The following HAPLN1 variants were observed in gnomAD, a reference collection of about 807,000 sequenced individuals.
HAPLN1 encodes the protein hyaluronan and proteoglycan link protein 1, also known as Cartilage link protein.
HAPLN1 carries 13 observed loss-of-function variants against 36.5 expected under a neutral mutation model. That is an observed-to-expected ratio of 0.36 (90% confidence interval 0.23 to 0.57). The LOEUF (loss-of-function observed/expected upper bound fraction) is 0.57, where lower values mean the gene tolerates loss of function less well. Among genes scored for constraint, HAPLN1 ranks in the 20% least tolerant of loss-of-function variants. The pLI is 0.83. For synonymous variants in HAPLN1, 202 were observed against 169.8 expected (o/e 1.19, Z -1.48); for missense variants, 407 against 439.7 (o/e 0.93, Z 0.66).
intron 3 of HAPLN1, among the ~76,000 whole-genome samples, chr5:83,651,249 T>G (rs1396765315): frequency 1.3e-5 from 2 of 152,226 alleles, no homozygotes; most frequent in African/African-American, 4.8e-5. Context: ...CTGGCAGAGC[T>G]GAGGCGAACC....
At chr5:83,648,880 T>C (rs1749964907) in intron 3 of HAPLN1, among the ~76,000 whole-genome samples, 1 of 152,224 alleles carries the variant, frequency 6.6e-6, no homozygotes, top group Non-Finnish European at 1.5e-5. Flanking sequence ...TTCAAACTCT[T>C]ATGCATATAA....
chr5:83,681,711 A>G (rs1323814046), intron 1 of HAPLN1, among the ~76,000 whole-genome samples: 3 of 152,154 alleles, frequency 2.0e-5, no homozygotes, highest in Admixed American at 6.5e-5. Flanking sequence ...AGGTCTCCCT[A>G]TTTGCCCACG....
chr5:83,675,256 A>G (rs1479457696), intron 1 of HAPLN1: 1 of 152,196 alleles, frequency 6.6e-6, no homozygotes, highest in Non-Finnish European at 1.5e-5. Context: ...GATAACTGTA[A>G]ACACAAATAT....
intron 2 of HAPLN1, among the ~76,000 whole-genome samples, chr5:83,655,733 AT>A (rs1750190616): frequency 6.6e-6 from 1 of 152,114 alleles, no homozygotes; most frequent in Non-Finnish European, 1.5e-5. Context: ...AGCTCTGAGC[AT>A]TTTGGAGAAG....
Position 83,640,828 on chromosome 5 carries a change from A to G in HAPLN1, c.*668T>C, listed in dbSNP as rs1749663504. ...TTCATTGGTTAAATATTATCTGCTT[A>G]TTTATGTGTCATGCTTCATATAAAT... On this transcript the variant is annotated 3_prime_UTR_variant, in exon 5 of 5. Coordinates refer to ENST00000274341, the MANE Select transcript of HAPLN1 (RefSeq NM_001884.4). 1 of 151,700 alleles carries G rather than the reference A, an allele frequency of 6.6e-6. No homozygotes were observed. The highest frequency in any genetic ancestry group is 2.4e-5 in the African/African-American group (1 of 41,260). 9.4% of individuals were successfully genotyped at this position (151,700 alleles called of 1,614,324 possible).
At chr5:83,713,373 T>C (rs1251294323) in intron 1 of HAPLN1, among the ~76,000 whole-genome samples, 1 of 152,240 alleles carries the variant, frequency 6.6e-6, no homozygotes, top group Non-Finnish European at 1.5e-5. Context: ...ATTGCTGTTA[T>C]CCAACTGAGT....
intron 2 of HAPLN1, among the ~76,000 whole-genome samples, chr5:83,671,959 G>GAATGGA (rs758172118): frequency 6.6e-6 from 1 of 152,204 alleles, no homozygotes; most frequent in Non-Finnish European, 1.5e-5. Context: ...GAGGAGATGG[G>GAATGGA]AATGGAAAGG....
chr5:83,701,519 A>G (rs1171101363), intron 1 of HAPLN1, among the ~76,000 whole-genome samples: 1 of 152,248 alleles, frequency 6.6e-6, no homozygotes, highest in African/African-American at 2.4e-5. Context: ...TGATCTCTAC[A>G]GTTTCAAATC....
Position 83,663,730 on chromosome 5 carries a change from G to A in HAPLN1, c.100+9694C>T, listed in dbSNP as rs571507713. 2.0e-5 allele frequency among the ~76,000 whole-genome samples: 3 copies of A among 151,462 alleles called. No homozygotes were observed. In the South Asian group the frequency reaches 6.3e-4, roughly 32 times the overall value. ...GTTCATGCCAGACTCTAGCAGCTGA[G>A]CTTGAGGTGTCTGTTTCCCTTAATT... On this transcript the variant is annotated intron_variant, in intron 2 of 4. Transcript: ENST00000274341.
chr5:83,664,824 T>C (rs1750510715), intron 2 of HAPLN1, among the ~76,000 whole-genome samples: 1 of 152,226 alleles, frequency 6.6e-6, no homozygotes, highest in Non-Finnish European at 1.5e-5. Context: ...TTGATTTTAA[T>C]ATATTGTGGG....
At chr5:83,669,372 A>G (rs932523776) in intron 2 of HAPLN1, among the ~76,000 whole-genome samples, 5 of 152,074 alleles carry the variant, frequency 3.3e-5, no homozygotes, top group South Asian at 2.1e-4. Flanking sequence ...TGTGGCAGGC[A>G]CCTGTAATCC....
chr5:83,645,475 C>CTTTCTTTTTTTT (rs1428903218), intron 3 of HAPLN1, among the ~76,000 whole-genome samples: 1 of 74,372 alleles, frequency 1.3e-5, no homozygotes, highest in Non-Finnish European at 2.5e-5. Flanking sequence ...CTTTTTCTTT[C>CTTTCTTTTTTTT]TTTTTTTTTT....
chr5:83,641,455 G>C lies in HAPLN1; in HGVS notation c.*41C>G, dbSNP rs770602266. The C allele has an allele frequency of 2.0e-6, 3 of 1,513,104 alleles. No homozygotes were observed. Among genetic ancestry groups the C allele is most frequent in the Non-Finnish European group, 1.8e-6 (2 of 1,127,928 alleles). 93.7% of individuals were successfully genotyped at this position (1,513,104 alleles called of 1,614,324 possible). A position where few individuals can be genotyped will look rare whatever the true frequency, so the allele number is the denominator to read the frequency against. On this transcript the variant is annotated 3_prime_UTR_variant, in exon 5 of 5. Coordinates refer to ENST00000274341, the MANE Select transcript of HAPLN1 (RefSeq NM_001884.4). ...TGGAAAAAAAAAACACCTTTCACAT[G>C]TTCTTAATGACTTTAAAACTGATGC...
intron 2 of HAPLN1, among the ~76,000 whole-genome samples, chr5:83,672,626 TAACTTAG>T (rs1310790510): frequency 1.3e-5 from 2 of 152,238 alleles, no homozygotes; most frequent in Admixed American, 6.5e-5. Context: ...CTTGAAGATG[TAACTTAG>T]AGTTTTATGT....
intron 1 of HAPLN1, among the ~76,000 whole-genome samples, chr5:83,697,262 G>A (rs1380941454): frequency 6.6e-6 from 1 of 152,090 alleles, no homozygotes; most frequent in Non-Finnish European, 1.5e-5. Flanking sequence ...AGAGACAGAT[G>A]TATTGACTGA....
At chr5:83,707,716 G>A (rs6887104) in intron 1 of HAPLN1, among the ~76,000 whole-genome samples, 114,810 of 152,082 alleles carry the variant, frequency 0.75, 43,478 homozygotes, top group East Asian at 0.83. Flanking sequence ...ATCACGACAA[G>A]AGCAAAATTT....
chr5:83,662,681 T>C (rs1166203838), intron 2 of HAPLN1, among the ~76,000 whole-genome samples: 1 of 152,340 alleles, frequency 6.6e-6, no homozygotes, highest in East Asian at 1.9e-4. Context: ...GCATGAGTCA[T>C]TCTTCTTCAT....
In HAPLN1 at chr5:83,720,811, C is replaced by T. The variant is rs761266343; in HGVS notation, c.-49G>A. 6.6e-6 allele frequency: 1 copy of T among 152,166 alleles called. No individual in the cohort carries two copies. Among genetic ancestry groups the T allele is most frequent in the Non-Finnish European group, 1.5e-5 (1 of 68,040 alleles). 9.4% of individuals were successfully genotyped at this position (152,166 alleles called of 1,614,324 possible). On this transcript the variant is annotated 5_prime_UTR_variant, in exon 1 of 5. Transcript: ENST00000274341. ...TACCTTGTCCTGAAATCCAGGAGTT[C>T]GGATGCTCTCAAGTTCTGCTTAAGT...
In HAPLN1 at chr5:83,683,339, T is replaced by C. The variant is rs533632321; in HGVS notation, c.-26-9790A>G. Among the ~76,000 whole-genome samples, 4 of 152,278 alleles carry C rather than the reference T, an allele frequency of 2.6e-5. No individual in the cohort carries two copies. In the South Asian group the frequency reaches 6.2e-4, roughly 24 times the overall value. ...CAAATGTGATCATGTTTTTGTGAAG[T>C]ATTATGGTAGTGAGGGCAGTGTAGA... is the stretch of plus-strand genomic sequence containing the variant. On this transcript the variant is annotated intron_variant, in intron 1 of 4. Transcript: ENST00000274341.
Sources: allele counts gnomAD v4.1 joint callset (sites outside exome capture counted in the v4.1 genomes callset), GRCh38; gene constraint gnomAD v4.1.1; transcripts MANE v1.5; gene names NCBI Gene and HGNC (gene_info 2026-07-23, HGNC 2026-07-21).